The following CLSTN2 variants were observed in gnomAD, a reference collection of about 807,000 sequenced individuals.
The protein encoded by CLSTN2 is calsyntenin-2.
A neutral mutation model predicts 101.2 loss-of-function variants in CLSTN2; 48 were observed. That is an observed-to-expected ratio of 0.47 (90% CI 0.38 to 0.60). The LOEUF is 0.60. CLSTN2 is among the 20% of genes least tolerant of loss of function. The probability of loss-of-function intolerance (pLI) is 0.00; values close to 1 mark genes in which losing one functional copy is unlikely to be tolerated. For synonymous variants in CLSTN2, 481 were observed against 463.6 expected (o/e 1.04, Z -0.48); for missense variants, 1,160 against 1,238.2 (o/e 0.94, Z 0.95).
chr3:140,377,618 A>G (rs1415973025), intron 2 of CLSTN2, among the ~76,000 whole-genome samples: 1 of 152,234 alleles, frequency 6.6e-6, no homozygotes, highest in Non-Finnish European at 1.5e-5. Flanking sequence ...AAAAAAGCTT[A>G]TAGAATAAAA....
intron 1 of CLSTN2, among the ~76,000 whole-genome samples, chr3:140,143,597 A>C (rs2009735302): frequency 1.3e-5 from 2 of 152,194 alleles, no homozygotes; most frequent in African/African-American, 4.8e-5. Context: ...TGAGCCCAGC[A>C]AAGCTGACAC....
At chr3:140,170,138 G>A (rs1403741007) in intron 1 of CLSTN2, among the ~76,000 whole-genome samples, 1 of 152,188 alleles carries the variant, frequency 6.6e-6, no homozygotes, top group Non-Finnish European at 1.5e-5. Context: ...ACATGATTCA[G>A]CCATTTGATG....
chr3:140,205,533 G>T (rs2010769373), intron 2 of CLSTN2, among the ~76,000 whole-genome samples: 2 of 151,904 alleles, frequency 1.3e-5, no homozygotes, highest in Admixed American at 6.6e-5. Flanking sequence ...TTAAACTGAG[G>T]CTGGAGAGCA....
At chr3:140,427,948 T>A (rs1375324769) in intron 5 of CLSTN2, among the ~76,000 whole-genome samples, 1 of 152,180 alleles carries the variant, frequency 6.6e-6, no homozygotes, top group African/African-American at 2.4e-5. Flanking sequence ...TGGGCTATGA[T>A]GACCTGGAGA....
At chr3:140,215,385 A>G (rs537209710) in intron 2 of CLSTN2, among the ~76,000 whole-genome samples, 6 of 152,346 alleles carry the variant, frequency 3.9e-5, no homozygotes, top group African/African-American at 1.2e-4. Flanking sequence ...TAAAGAGCAC[A>G]TAGAACAAAA....
At chr3:140,044,591 C>T (rs2007830362) in intron 1 of CLSTN2, among the ~76,000 whole-genome samples, 1 of 152,152 alleles carries the variant, frequency 6.6e-6, no homozygotes, top group African/African-American at 2.4e-5. Flanking sequence ...TGAGAGAGGG[C>T]ATCCCTGTCT....
At chr3:140,109,097 G>A (rs1453583567) in intron 1 of CLSTN2, among the ~76,000 whole-genome samples, 2 of 152,208 alleles carry the variant, frequency 1.3e-5, no homozygotes, top group African/African-American at 4.8e-5. Flanking sequence ...GTGGTTCATG[G>A]CTTAGGGAGT....
intron 2 of CLSTN2, among the ~76,000 whole-genome samples, chr3:140,177,726 T>C (rs984527632): frequency 1.3e-5 from 2 of 152,124 alleles, no homozygotes; most frequent in African/African-American, 2.4e-5. Flanking sequence ...CAAGGAATTT[T>C]AGATGGCTGC....
In CLSTN2 at chr3:140,189,786, C is replaced by T. The variant is rs150549063; in HGVS notation, c.232+13713C>T. ...TTTGCCTATGGATATCTAATTCCTC[C>T]CTCATCCATTTGTTTAAAAGTTTAT... On this transcript the variant is annotated intron_variant, in intron 2 of 16. Coordinates refer to ENST00000458420, the MANE Select transcript of CLSTN2 (RefSeq NM_022131.3). Among the ~76,000 whole-genome samples, 93 of 152,170 alleles carry T rather than the reference C, an allele frequency of 6.1e-4. No individual in the cohort carries two copies. In the East Asian group the frequency reaches 0.016, roughly 26 times the overall value.
chr3:140,490,381 C>T (rs2107757048), intron 8 of CLSTN2, among the ~76,000 whole-genome samples: 1 of 151,354 alleles, frequency 6.6e-6, no homozygotes, highest in Non-Finnish European at 1.5e-5. Flanking sequence ...CCAGAAGCAG[C>T]ACCTAATGGG....
In CLSTN2 at chr3:140,416,048, G is replaced by A. The variant is rs75035136; in HGVS notation, c.638-5077G>A. Reference sequence around the variant, plus strand: ...CGTTAAAAAAGAAGGAAATCCTGCCGTTTGCAACAACTTGGATGAACCCGA... The same window carrying A: ...CGTTAAAAAAGAAGGAAATCCTGCCATTTGCAACAACTTGGATGAACCCGA... On this transcript the variant is annotated intron_variant, in intron 4 of 16. Transcript: ENST00000458420. 5.5e-3 allele frequency among the ~76,000 whole-genome samples: 839 copies of A among 152,218 alleles called. 8 individuals are homozygous for A. Among genetic ancestry groups the A allele is most frequent in the African/African-American group, 0.019 (805 of 41,542 alleles).
chr3:139,979,829 A>C (rs913091839), intron 1 of CLSTN2, among the ~76,000 whole-genome samples: 10 of 151,358 alleles, frequency 6.6e-5, no homozygotes, highest in African/African-American at 2.2e-4. Context: ...CCAAAACTGA[A>C]CTCTTGGCTC....
At chr3:140,038,011 G>C (rs2007691953) in intron 1 of CLSTN2, among the ~76,000 whole-genome samples, 1 of 152,116 alleles carries the variant, frequency 6.6e-6, no homozygotes, top group African/African-American at 2.4e-5. Context: ...GAACATACAC[G>C]TGCAAGTATC....
chr3:140,179,710 T>G lies in CLSTN2; in HGVS notation c.232+3637T>G, dbSNP rs997438539. ...CCTTATTTTTTCACATTAATGAAAA[T>G]TTGCCATTTTATTACATATTTTTCT... On this transcript the variant is annotated intron_variant, in intron 2 of 16. Transcript: ENST00000458420. Among the ~76,000 whole-genome samples, 16 of 149,334 alleles carry G rather than the reference T, an allele frequency of 1.1e-4. 2 individuals carry two copies. Among genetic ancestry groups the G allele is most frequent in the Admixed American group, 1.0e-3 (15 of 14,730 alleles).
intron 2 of CLSTN2, among the ~76,000 whole-genome samples, chr3:140,297,400 C>A (rs1471806700): frequency 1.3e-5 from 2 of 152,150 alleles, no homozygotes; most frequent in African/African-American, 2.4e-5. Context: ...AACGTAAATG[C>A]CTTTGTTACT....
chr3:140,457,238 G>A lies in CLSTN2; in HGVS notation c.974-2283G>A, dbSNP rs1029999713. 7.9e-5 allele frequency among the ~76,000 whole-genome samples: 12 copies of A among 152,296 alleles called. No individual in the cohort carries two copies. The East Asian group carries it at 2.1e-3, about 27-fold the overall frequency. ...TAGATCATATTGGTCCCATTGGCTT[G>A]AGCTAGAAGTCAGAAGCCCTGAGTG... On this transcript the variant is annotated intron_variant, in intron 6 of 16. Coordinates refer to ENST00000458420, the MANE Select transcript of CLSTN2 (RefSeq NM_022131.3).
At chr3:139,978,999 AT>A (rs931214044) in intron 1 of CLSTN2, among the ~76,000 whole-genome samples, 10 of 152,112 alleles carry the variant, frequency 6.6e-5, no homozygotes, top group East Asian at 1.9e-4. Flanking sequence ...ATAATTATTC[AT>A]TTTTTTAAGT....
chr3:140,533,985 T>G (rs1935312126), intron 9 of CLSTN2, among the ~76,000 whole-genome samples: 1 of 152,154 alleles, frequency 6.6e-6, no homozygotes, highest in African/African-American at 2.4e-5. Flanking sequence ...AGCAAAATGT[T>G]TATTAAATAT....
chr3:140,000,400 A>G (rs1408900116), intron 1 of CLSTN2, among the ~76,000 whole-genome samples: 1 of 152,230 alleles, frequency 6.6e-6, no homozygotes, highest in African/African-American at 2.4e-5. Flanking sequence ...CCTGGCACAT[A>G]GTTTGTGCCC....
Sources: allele counts gnomAD v4.1 joint callset (sites outside exome capture counted in the v4.1 genomes callset), GRCh38; gene constraint gnomAD v4.1.1; transcripts MANE v1.5; gene names NCBI Gene and HGNC (gene_info 2026-07-23, HGNC 2026-07-21).